ANTXR1: variants seen among roughly 807,000 people sequenced by gnomAD.
The protein encoded by ANTXR1 is ANTXR cell adhesion molecule 1.
Under a neutral mutation model 78.1 loss-of-function variants are expected in ANTXR1, and 19 were observed. The observed-to-expected ratio is 0.24, with a 90% CI of 0.17 to 0.36. ANTXR1 has a LOEUF of 0.36. ANTXR1 is among the 10% of genes least tolerant of loss of function. The pLI, the probability that ANTXR1 is intolerant of heterozygous loss-of-function variation, is 1.00. For synonymous variants in ANTXR1, 273 were observed against 260.5 expected, an observed-to-expected ratio of 1.05 and a Z score of -0.46; for missense variants, 518 against 718.6, an observed-to-expected ratio of 0.72 and a Z score of 3.19.
intron 16 of ANTXR1, among the ~76,000 whole-genome samples, chr2:69,188,351 T>C (rs1674472508): frequency 6.6e-6 from 1 of 152,226 alleles, no homozygotes; most frequent in South Asian, 2.1e-4. Flanking sequence ...CACCTCAGCC[T>C]CTCAGAGTGT....
At chr2:69,075,543 A>T in intron 6 of ANTXR1, 47 bp from the exon 7 acceptor site, 1 of 1,590,714 alleles carries the variant, frequency 6.3e-7, no homozygotes, top group Non-Finnish European at 8.6e-7. Context: ...AGAGGAGTTC[A>T]TTTGTCACTG....
In ANTXR1 at chr2:69,019,482, C is replaced by T. The variant is rs184188336; in HGVS notation, c.152+5831C>T. On this transcript the variant is annotated intron_variant, in intron 1 of 17. Transcript: ENST00000303714. ...GTTTTCTGGATATATAATTATATAACCTGCAAATAACAATTTTATCTCCTC... is the reference window on the plus strand; with the variant it reads ...GTTTTCTGGATATATAATTATATAATCTGCAAATAACAATTTTATCTCCTC... Among the ~76,000 whole-genome samples, 668 of 152,106 alleles carry T rather than the reference C, an allele frequency of 4.4e-3. 2 individuals are homozygous for T. Among genetic ancestry groups the T allele is most frequent in the Non-Finnish European group, 7.1e-3 (482 of 67,990 alleles).
chr2:69,068,713 T>C (rs914276493), intron 3 of ANTXR1, among the ~76,000 whole-genome samples: 3 of 152,188 alleles, frequency 2.0e-5, no homozygotes, highest in Admixed American at 6.5e-5. Context: ...GTGAATGCCA[T>C]GATTTCATCT....
intron 7 of ANTXR1, 91 bp downstream of exon 7, chr2:69,075,749 A>G (rs1670711034): frequency 5.2e-6 from 6 of 1,145,422 alleles, no homozygotes; most frequent in Non-Finnish European, 8.0e-6. Flanking sequence ...AGATCAATGG[A>G]ATAAATGCCC....
chr2:69,142,771 G>A (rs1330649051), intron 12 of ANTXR1, among the ~76,000 whole-genome samples: 11 of 152,110 alleles, frequency 7.2e-5, no homozygotes, highest in Non-Finnish European at 1.5e-4. Flanking sequence ...ACAGAAGAGC[G>A]AGGTATGTAT....
intron 17 of ANTXR1, among the ~76,000 whole-genome samples, chr2:69,231,749 C>G (rs1291238893): frequency 6.6e-6 from 1 of 152,092 alleles, no homozygotes; most frequent in Non-Finnish European, 1.5e-5. Context: ...CCTCAACAGG[C>G]CTCCCTGCAG....
At chr2:69,182,776 G>A (rs1486268137) in intron 16 of ANTXR1, 116 bp downstream of exon 16, 1 of 1,316,746 alleles carries the variant, frequency 7.6e-7, no homozygotes, top group Non-Finnish European at 1.1e-6. Flanking sequence ...TTATCACAGG[G>A]GAACAATTAT....
chr2:69,247,683 G>A lies in ANTXR1; in HGVS notation c.*2198G>A, dbSNP rs2104539226. On this transcript the variant is annotated 3_prime_UTR_variant, in exon 18 of 18. Coordinates refer to ENST00000303714, the MANE Select transcript of ANTXR1 (RefSeq NM_032208.3). ...GGGTTCCCCAGGCTCACAGTGTAGA[G>A]ACATTGAGCCCATCACAACTGTTTT... is the stretch of plus-strand genomic sequence containing the variant. 6.6e-6 allele frequency: 1 copy of A among 152,246 alleles called. No homozygotes were observed. The highest frequency in any genetic ancestry group is 2.1e-4 in the South Asian group (1 of 4,790). 9.4% of individuals were successfully genotyped at this position (152,246 alleles called of 1,614,324 possible). A position where few individuals can be genotyped will look rare whatever the true frequency, so the allele number is the denominator to read the frequency against.
intron 12 of ANTXR1, among the ~76,000 whole-genome samples, chr2:69,136,341 T>C (rs1672909226): frequency 6.6e-6 from 1 of 152,210 alleles, no homozygotes; most frequent in African/African-American, 2.4e-5. Context: ...TATCTATTCT[T>C]TTTTAAGTAC....
intron 16 of ANTXR1, among the ~76,000 whole-genome samples, chr2:69,192,917 A>G (rs77889041): frequency 2.8e-5 from 4 of 143,382 alleles, no homozygotes; most frequent in African/African-American, 9.0e-5. Context: ...ACGTTTAGTA[A>G]TTTTCCAGAA....
chr2:69,177,699 C>T (rs1674164519), intron 14 of ANTXR1, among the ~76,000 whole-genome samples: 2 of 152,230 alleles, frequency 1.3e-5, no homozygotes, highest in African/African-American at 4.8e-5. Context: ...TTGCTAGACA[C>T]GATCTAGCAG....
At chr2:69,167,674 G>C (rs1673866397) in intron 13 of ANTXR1, among the ~76,000 whole-genome samples, 1 of 152,190 alleles carries the variant, frequency 6.6e-6, no homozygotes, top group African/African-American at 2.4e-5. Context: ...GCAATGAGAA[G>C]ACTTCCTGCC....
At chr2:69,077,377 C>G (rs779164274) in intron 7 of ANTXR1, 31 bp from the exon 8 acceptor site, 2 of 1,613,182 alleles carry the variant, frequency 1.2e-6, no homozygotes, top group South Asian at 2.2e-5. Context: ...AACAGTCTCC[C>G]CATGTGTTTG....
intron 10 of ANTXR1, among the ~76,000 whole-genome samples, chr2:69,119,306 C>T (rs6761275): frequency 0.22 from 33,147 of 152,108 alleles, 5,087 homozygotes; most frequent in African/African-American, 0.44. Context: ...ACCCAGCTCT[C>T]CCCACAGAAG....
intron 17 of ANTXR1, among the ~76,000 whole-genome samples, chr2:69,199,214 C>T (rs1049704439): frequency 2.6e-5 from 4 of 152,188 alleles, no homozygotes; most frequent in African/African-American, 7.2e-5. Context: ...AACCCATGCT[C>T]GGAGTTTCTG....
Position 69,245,253 on chromosome 2 carries a change from A to G in ANTXR1, c.1463A>G (p.Lys488Arg). 6.2e-7 allele frequency: 1 copy of G among 1,613,958 alleles called. No individual in the cohort carries two copies. ...TGRCINFTRVKNNQPAKYPLN... is the reference protein window; with the variant it reads ...TGRCINFTRVRNNQPAKYPLN... ...CGCTGCATCAACTTCACCAGGGTCA[A>G]GAACAACCAGCCAGCCAAGTACCCA... Residue 488 changes from lysine to arginine, a missense_variant, in exon 18 of 18, where the codon AAG becomes AGG. By Grantham distance (26) the Lys-to-Arg change is conservative. Transcript: ENST00000303714.
At chr2:69,014,192 G>A (rs1030285045) in intron 1 of ANTXR1, among the ~76,000 whole-genome samples, 1 of 152,212 alleles carries the variant, frequency 6.6e-6, no homozygotes, top group African/African-American at 2.4e-5. Flanking sequence ...ATGAAAGGCA[G>A]GGTTTCTTAA....
chr2:69,224,064 A>G (rs988007650), intron 17 of ANTXR1, among the ~76,000 whole-genome samples: 4 of 152,244 alleles, frequency 2.6e-5, no homozygotes, highest in African/African-American at 7.2e-5. Context: ...AAGGTAATAG[A>G]AAAAGCCAGC....
chr2:69,124,490 C>A (rs1417916467), intron 11 of ANTXR1, 75 bp from the exon 12 acceptor site: 2 of 1,305,850 alleles, frequency 1.5e-6, no homozygotes, highest in Non-Finnish European at 2.2e-6. Flanking sequence ...CCAAAGGAGT[C>A]CTGTGTGTCT....
Sources: allele counts gnomAD v4.1 joint callset (sites outside exome capture counted in the v4.1 genomes callset), GRCh38; gene constraint gnomAD v4.1.1; transcripts MANE v1.5; gene names NCBI Gene and HGNC (gene_info 2026-07-23, HGNC 2026-07-21).